PADI6: variants seen among roughly 807,000 people sequenced by gnomAD.
The protein encoded by PADI6 is inactive protein-arginine deiminase type-6.
In PADI6, 66 loss-of-function variants were observed where a neutral mutation model predicts 78.2. The observed-to-expected ratio is 0.84, with a 90% CI of 0.69 to 1.04. The LOEUF (loss-of-function observed/expected upper bound fraction) is 1.04. PADI6 is among the 50% of genes least tolerant of loss of function. PADI6 has a pLI of 0.00. For synonymous variants in PADI6, 397 were observed against 346.9 expected (o/e 1.14, Z -1.60); for missense variants, 854 against 866.1 (o/e 0.99, Z 0.18).
intron 4 of PADI6, among the ~76,000 whole-genome samples, chr1:17,380,810 C>T (rs2075065798): frequency 6.6e-6 from 1 of 152,248 alleles, no homozygotes; most frequent in South Asian, 2.1e-4. Flanking sequence ...TTCTCTGACT[C>T]TGAAATATGA....
intron 3 of PADI6, among the ~76,000 whole-genome samples, chr1:17,378,165 T>A (rs192479873): frequency 1.6e-4 from 25 of 152,294 alleles, no homozygotes; most frequent in Middle Eastern, 3.4e-3. Context: ...CCCTTGATCA[T>A]CTAAAACTGA....
intron 2 of PADI6, among the ~76,000 whole-genome samples, chr1:17,373,500 A>ATT (rs746790101): frequency 5.5e-5 from 6 of 109,576 alleles, no homozygotes; most frequent in African/African-American, 2.0e-4. Flanking sequence ...TTTATTTATT[A>ATT]TTATTTTTTT....
chr1:17,382,059 G>A lies in PADI6; in HGVS notation c.646G>A (p.Glu216Lys). 1 of 1,613,988 alleles carries A rather than the reference G, an allele frequency of 6.2e-7. No homozygotes were observed. Among genetic ancestry groups the A allele is most frequent in the Non-Finnish European group, 8.5e-7 (1 of 1,179,870 alleles). The change falls in exon 6 of 16, where the codon GAG becomes AAG. Residue 216 changes from glutamate to lysine, a missense_variant. Transcript: ENST00000619609. ...GCTAGTCCTCCATACCTCCAAGGAA[G>A]AGTCGAAGAAGGCGAGAGTCTACTG... Reference protein sequence around the residue: ...YRLVLHTSKEESKKARVYWPQ... With the variant: ...YRLVLHTSKEKSKKARVYWPQ...
chr1:17,394,614 G>A (rs566282618), intron 11 of PADI6, among the ~76,000 whole-genome samples, 160 bp downstream of exon 11: 11 of 152,282 alleles, frequency 7.2e-5, no homozygotes, highest in African/African-American at 2.6e-4. Context: ...GACTAAAGAT[G>A]AGAATAAACC....
At chr1:17,389,117 G>T (rs903110398) in intron 8 of PADI6, among the ~76,000 whole-genome samples, 1 of 152,184 alleles carries the variant, frequency 6.6e-6, no homozygotes, top group African/African-American at 2.4e-5. Flanking sequence ...GGGCCAAACG[G>T]CATGGTTTTA....
At chr1:17,390,301 AAAAC>A (rs1365817680) in intron 8 of PADI6, among the ~76,000 whole-genome samples, 1 of 151,912 alleles carries the variant, frequency 6.6e-6, no homozygotes, top group African/African-American at 2.4e-5. Context: ...AACTGTCTCA[AAAAC>A]AAAAAATAAA....
At chr1:17,400,596 A>AG (rs1336635371) in intron 15 of PADI6, among the ~76,000 whole-genome samples, 1 of 152,208 alleles carries the variant, frequency 6.6e-6, no homozygotes, top group Non-Finnish European at 1.5e-5. Flanking sequence ...TGTGAGTACA[A>AG]GAGGTCCTGG....
chr1:17,374,490 G>C (rs2074996031), intron 2 of PADI6, among the ~76,000 whole-genome samples: 1 of 152,180 alleles, frequency 6.6e-6, no homozygotes, highest in Non-Finnish European at 1.5e-5. Context: ...GCCAGGTGTG[G>C]TGGCAGGTGC....
At chr1:17,388,251 T>C in intron 6 of PADI6, 130 bp from the exon 7 acceptor site, 3 of 848,038 alleles carry the variant, frequency 3.5e-6, no homozygotes, top group Non-Finnish European at 5.3e-6. Context: ...GGCTGAGCCA[T>C]TTCAGCTCCA....
chr1:17,392,344 C>A, intron 9 of PADI6, 119 bp downstream of exon 9: 2 of 712,060 alleles, frequency 2.8e-6, no homozygotes, highest in Non-Finnish European at 4.7e-6. Context: ...TTGATAGGGG[C>A]GGCCCTGTTC....
chr1:17,386,344 G>A (rs1306551221), intron 6 of PADI6, among the ~76,000 whole-genome samples: 1 of 152,202 alleles, frequency 6.6e-6, no homozygotes, highest in African/African-American at 2.4e-5. Context: ...CCCCCAGAAG[G>A]TCAACCACAG....
At chr1:17,394,131 C>T (rs1215762591) in intron 10 of PADI6, 49 bp downstream of exon 10, 6 of 1,584,202 alleles carry the variant, frequency 3.8e-6, no homozygotes, top group Non-Finnish European at 5.2e-6. Flanking sequence ...TCTCTCAGGC[C>T]TGGGGCCTGC....
chr1:17,381,709 G>A (rs2075074570), intron 5 of PADI6, among the ~76,000 whole-genome samples: 1 of 152,116 alleles, frequency 6.6e-6, no homozygotes, highest in Admixed American at 6.5e-5. Context: ...ACTGATCGAG[G>A]TAGGCCCTGT....
intron 6 of PADI6, among the ~76,000 whole-genome samples, chr1:17,387,705 C>T (rs2075135445): frequency 6.6e-6 from 1 of 152,166 alleles, no homozygotes. Context: ...GAGCTGAGAT[C>T]ACGCCACTAC....
intron 4 of PADI6, 91 bp downstream of exon 4, chr1:17,380,078 C>A (rs1044253495): frequency 1.5e-6 from 2 of 1,297,472 alleles, no homozygotes; most frequent in Non-Finnish European, 1.1e-6. Flanking sequence ...TCGTGTCTAG[C>A]CCAATTGCTG....
rs144547124 is a variant in PADI6, at chr1:17,379,111, A to ATTTTTT, written c.368-793_368-788dup. Among the ~76,000 whole-genome samples, 236 of 100,786 alleles carry ATTTTTT rather than the reference A, an allele frequency of 2.3e-3. 11 individuals carry two copies. The highest frequency in any genetic ancestry group is 5.7e-3 in the Middle Eastern group (1 of 176). The allele number at this position is 100,786 out of a possible 152,430, so 66.1% of individuals were successfully genotyped here. A position where few individuals can be genotyped will look rare whatever the true frequency, so the allele number is the denominator to read the frequency against. ...AGGTACCCTCCACCATGCCCAGTTA[A>ATTTTTT]TTTTTTTTTTTTTTTTTTTTTAAGA... On this transcript the variant is annotated intron_variant, in intron 3 of 15. Coordinates refer to ENST00000619609, the MANE Select transcript of PADI6 (RefSeq NM_207421.4).
chr1:17,373,262 A>G (rs1243118757), intron 2 of PADI6, 29 bp downstream of exon 2: 11 of 1,609,020 alleles, frequency 6.8e-6, no homozygotes, highest in Non-Finnish European at 7.6e-6. Context: ...GGTGAGGGGC[A>G]TCTCCCGGGG....
intron 3 of PADI6, among the ~76,000 whole-genome samples, chr1:17,379,498 C>T (rs1465194831): frequency 5.9e-5 from 9 of 152,184 alleles, no homozygotes; most frequent in Non-Finnish European, 1.3e-4. Flanking sequence ...CTTAAGTGAT[C>T]CATCCACCTC....
intron 8 of PADI6, among the ~76,000 whole-genome samples, chr1:17,390,089 C>G (rs530518445): frequency 6.6e-6 from 1 of 151,408 alleles, no homozygotes. Flanking sequence ...ACCTGAGGGT[C>G]GGAAGTTCGA....
Sources: gnomAD v4.1 joint callset for allele counts (sites outside exome capture counted in the v4.1 genomes callset) on GRCh38, gnomAD v4.1.1 for gene constraint, MANE v1.5 for transcripts, NCBI Gene and HGNC (gene_info 2026-07-23, HGNC 2026-07-21) for gene names.